The following BICRAL variants were observed in gnomAD, a reference collection of about 807,000 sequenced individuals.
The protein encoded by BICRAL is BRD4-interacting chromatin-remodeling complex-associated protein-like.
In BICRAL, 8 loss-of-function variants were observed where a neutral mutation model predicts 91.8. The ratio of observed to expected loss-of-function variants is 0.09; its 90% CI spans 0.05 to 0.16. BICRAL has a LOEUF of 0.16. Among genes scored for constraint, BICRAL ranks in the 10% least tolerant of loss-of-function variants. BICRAL has a pLI of 1.00. For synonymous variants in BICRAL, 445 were observed against 491.1 expected (o/e 0.91, Z 1.24); for missense variants, 1,038 against 1,310.9 (o/e 0.79, Z 3.21).
intron 6 of BICRAL, among the ~76,000 whole-genome samples, 153 bp from the exon 7 acceptor site, chr6:42,851,939 G>T (rs1165614367): frequency 6.6e-6 from 1 of 152,190 alleles, no homozygotes; most frequent in Non-Finnish European, 1.5e-5. Flanking sequence ...TTCCCCTGAA[G>T]TGATAAGAAA....
At chr6:42,761,508 G>A (rs1373905744) in intron 1 of BICRAL, among the ~76,000 whole-genome samples, 1 of 152,198 alleles carries the variant, frequency 6.6e-6, no homozygotes, top group Non-Finnish European at 1.5e-5. Context: ...CATTGGAAAT[G>A]ATATTTAACC....
chr6:42,832,578 C>CGTGTGTGT (rs59693040), intron 6 of BICRAL, among the ~76,000 whole-genome samples: 1,459 of 142,720 alleles, frequency 0.01, 30 homozygotes, highest in African/African-American at 0.035. Flanking sequence ...ATCAAAGGGG[C>CGTGTGTGT]GTGTGTGTGT....
intron 8 of BICRAL, 133 bp from the exon 9 acceptor site, chr6:42,855,719 TCAGC>T: frequency 1.5e-6 from 1 of 658,224 alleles, no homozygotes; most frequent in Non-Finnish European, 2.6e-6. Context: ...TTTTTATTTT[TCAGC>T]AGGGCACATT....
chr6:42,816,236 G>C, intron 2 of BICRAL, among the ~76,000 whole-genome samples: 1 of 151,522 alleles, frequency 6.6e-6, no homozygotes, highest in Non-Finnish European at 1.5e-5. Context: ...GTATTTAGCT[G>C]GGCACTGTAG....
intron 1 of BICRAL, among the ~76,000 whole-genome samples, chr6:42,808,933 C>G (rs943169434): frequency 1.3e-5 from 2 of 152,134 alleles, no homozygotes; most frequent in Non-Finnish European, 2.9e-5. Flanking sequence ...GTGTCTCCAG[C>G]CTCTGTAAAG....
intron 10 of BICRAL, among the ~76,000 whole-genome samples, chr6:42,858,357 A>G (rs1188695104): frequency 6.7e-6 from 1 of 150,370 alleles, no homozygotes; most frequent in Non-Finnish European, 1.5e-5. Context: ...CTCTACTAAA[A>G]ATACAAAAAT....
chr6:42,791,193 A>G (rs1460428194), intron 1 of BICRAL, among the ~76,000 whole-genome samples: 1 of 152,096 alleles, frequency 6.6e-6, no homozygotes, highest in African/African-American at 2.4e-5. Flanking sequence ...CACTCAGGAA[A>G]AGATCCTGAG....
chr6:42,859,691 G>C (rs1001646739), intron 10 of BICRAL, among the ~76,000 whole-genome samples: 2 of 151,938 alleles, frequency 1.3e-5, no homozygotes, highest in African/African-American at 2.4e-5. Context: ...GCCCAGGCTG[G>C]AGTGCAGTGG....
intron 2 of BICRAL, among the ~76,000 whole-genome samples, chr6:42,814,881 C>T (rs371013080): frequency 1.3e-5 from 2 of 151,684 alleles, no homozygotes; most frequent in African/African-American, 2.4e-5. Context: ...TTTCAGTTTG[C>T]GCAGTCTTTG....
intron 1 of BICRAL, among the ~76,000 whole-genome samples, chr6:42,785,822 G>A (rs551562314): frequency 6.6e-6 from 1 of 152,272 alleles, no homozygotes; most frequent in Admixed American, 6.5e-5. Context: ...TCGGGAGGCC[G>A]AGGTGGGCGG....
intron 6 of BICRAL, among the ~76,000 whole-genome samples, chr6:42,837,172 C>G (rs995150309): frequency 6.6e-6 from 1 of 151,698 alleles, no homozygotes; most frequent in Non-Finnish European, 1.5e-5. Context: ...GTCTCGAACT[C>G]CTGACCTCAG....
At chr6:42,754,632 C>T (rs1313344896) in intron 1 of BICRAL, among the ~76,000 whole-genome samples, 1 of 152,194 alleles carries the variant, frequency 6.6e-6, no homozygotes, top group African/African-American at 2.4e-5. Flanking sequence ...CAGTTCATGC[C>T]TGTAATGCCA....
rs765696304 is a variant in BICRAL, at chr6:42,829,819, G to A, written c.1486G>A (p.Gly496Ser). The A allele has an allele frequency of 1.1e-5, 18 of 1,614,068 alleles. No homozygotes were observed. The highest frequency in any genetic ancestry group is 1.4e-5 in the Non-Finnish European group (17 of 1,180,040). ...IANHASPQLV[G>S]GQMPLQQASP... Reference sequence around the variant, plus strand: ...CAATCATGCCTCTCCTCAGCTTGTGGGTGGACAGATGCCCTTGCAGCAGGC... The same window carrying A: ...CAATCATGCCTCTCCTCAGCTTGTGAGTGGACAGATGCCCTTGCAGCAGGC... The change falls in exon 6 of 13, where the codon GGT becomes AGT. Residue 496 changes from glycine to serine, a missense_variant. Coordinates refer to ENST00000314073, the MANE Select transcript of BICRAL (RefSeq NM_001393499.1).
At chr6:42,772,132 A>C (rs541025865) in intron 1 of BICRAL, among the ~76,000 whole-genome samples, 8 of 152,316 alleles carry the variant, frequency 5.3e-5, no homozygotes, top group Admixed American at 2.0e-4. Flanking sequence ...TGAATCATGA[A>C]GTCCTTTACC....
intron 1 of BICRAL, among the ~76,000 whole-genome samples, chr6:42,792,282 T>G (rs1376537370): frequency 6.6e-6 from 1 of 152,114 alleles, no homozygotes; most frequent in African/African-American, 2.4e-5. Context: ...ACATTTTTGG[T>G]TTTTTTCTGA....
chr6:42,799,869 A>ATATT (rs201720820), intron 1 of BICRAL, among the ~76,000 whole-genome samples: 3,458 of 151,256 alleles, frequency 0.023, 56 homozygotes, highest in African/African-American at 0.046. Context: ...TCTTTCTTAA[A>ATATT]TATTTATTTA....
chr6:42,774,077 TTC>T lies in BICRAL; in HGVS notation c.-260-7760_-260-7759del, dbSNP rs1473571208. 3.3e-5 allele frequency among the ~76,000 whole-genome samples: 5 copies of T among 152,306 alleles called. No homozygotes were observed. In the East Asian group the frequency reaches 9.6e-4, roughly 29 times the overall value. ...ATTTCAGAGAGGAGAACTAAGGCAATTCTGTTTCTCTTTTGGGGTCCAGTAGT... is the reference window on the plus strand; with the variant it reads ...ATTTCAGAGAGGAGAACTAAGGCAATTGTTTCTCTTTTGGGGTCCAGTAGT... On this transcript the variant is annotated intron_variant, in intron 1 of 14. Coordinates refer to the BICRAL transcript ENST00000614467.
intron 8 of BICRAL, among the ~76,000 whole-genome samples, chr6:42,855,082 G>A (rs1259804962): frequency 6.6e-6 from 1 of 152,162 alleles, no homozygotes. Context: ...CTAAGGTTCT[G>A]AGATAAGGCC....
chr6:42,814,904 ATT>A, intron 2 of BICRAL, among the ~76,000 whole-genome samples: 1 of 151,582 alleles, frequency 6.6e-6, no homozygotes, highest in East Asian at 1.9e-4. Flanking sequence ...ATCCTGTTCT[ATT>A]ACTTTTTTTT....
Sources: gnomAD v4.1 joint callset for allele counts (sites outside exome capture counted in the v4.1 genomes callset) on GRCh38, gnomAD v4.1.1 for gene constraint, MANE v1.5 for transcripts, NCBI Gene and HGNC (gene_info 2026-07-23, HGNC 2026-07-21) for gene names.